The following SYT9 variants were observed in gnomAD, a reference collection of about 807,000 sequenced individuals.
SYT9 encodes synaptotagmin 9.
Under a neutral mutation model 48.4 loss-of-function variants are expected in SYT9, and 22 were observed. The ratio of observed to expected loss-of-function variants is 0.45; its 90% CI spans 0.32 to 0.65. SYT9 has a LOEUF of 0.65. Ranked by LOEUF, SYT9 falls within the 30% of genes least tolerant of loss-of-function variation. SYT9 has a pLI of 0.03. For synonymous variants in SYT9, 265 were observed against 245.0 expected (o/e 1.08, Z -0.76); for missense variants, 577 against 622.0 (o/e 0.93, Z 0.77).
chr11:7,430,593 C>T (rs1173730712), intron 6 of SYT9, among the ~76,000 whole-genome samples: 4 of 152,160 alleles, frequency 2.6e-5, no homozygotes, highest in African/African-American at 9.7e-5. Context: ...CTGCCCAAAC[C>T]TCATGTTGAA....
Position 7,313,410 on chromosome 11 carries a change from A to G in SYT9, c.513A>G (p.Arg171=). ...PTSSARHNSI[R]RQLNLSNPDF... ...TTCATTCAAGGCATAATTCAATCCGAAGACAACTCAACTTGTCAAACCCGG... is the reference window on the plus strand; with the variant it reads ...TTCATTCAAGGCATAATTCAATCCGGAGACAACTCAACTTGTCAAACCCGG... Residue 171 remains arginine, a synonymous_variant, in exon 3 of 7, where the codon CGA becomes CGG. Transcript: ENST00000318881. The G allele has an allele frequency of 6.2e-7, 1 of 1,611,518 alleles. No homozygotes were observed. Among genetic ancestry groups the G allele is most frequent in the Non-Finnish European group, 8.5e-7 (1 of 1,178,984 alleles).
intron 1 of SYT9, among the ~76,000 whole-genome samples, chr11:7,241,238 G>GCA (rs1333220508): frequency 0.01 from 1,171 of 116,428 alleles, 17 homozygotes; most frequent in African/African-American, 0.035. Flanking sequence ...ACACACACAC[G>GCA]CACACACTCA....
At chr11:7,394,265 T>A (rs1325463646) in intron 3 of SYT9, among the ~76,000 whole-genome samples, 2 of 152,204 alleles carry the variant, frequency 1.3e-5, no homozygotes, top group Admixed American at 6.5e-5. Context: ...TCCAGCTTCA[T>A]CCATGTCCCT....
chr11:7,386,691 CT>C (rs1850666914), intron 3 of SYT9, among the ~76,000 whole-genome samples: 1 of 152,140 alleles, frequency 6.6e-6, no homozygotes, highest in African/African-American at 2.4e-5. Flanking sequence ...CACTTTTACA[CT>C]GTTGGTGGGA....
intron 6 of SYT9, chr11:7,437,953 G>A (rs1847743828): frequency 6.6e-6 from 1 of 152,194 alleles, no homozygotes; most frequent in Non-Finnish European, 1.5e-5. Context: ...GTTCCCTGAG[G>A]TGCTTGACTC....
At chr11:7,389,470 C>T (rs1850721590) in intron 3 of SYT9, among the ~76,000 whole-genome samples, 4 of 152,078 alleles carry the variant, frequency 2.6e-5, no homozygotes, top group African/African-American at 9.7e-5. Context: ...CCCATTATCT[C>T]TTGAGAACTC....
At chr11:7,345,566 T>C (rs933545247) in intron 3 of SYT9, among the ~76,000 whole-genome samples, 4 of 152,124 alleles carry the variant, frequency 2.6e-5, no homozygotes, top group Admixed American at 2.0e-4. Context: ...TTTACTGAGA[T>C]GGGAAATATT....
chr11:7,289,188 C>T (rs959671696), intron 1 of SYT9, among the ~76,000 whole-genome samples: 12 of 152,202 alleles, frequency 7.9e-5, no homozygotes, highest in Non-Finnish European at 1.2e-4. Context: ...GCTGCCTGAG[C>T]GCTCTGGCTC....
chr11:7,272,017 A>G (rs755395892), intron 1 of SYT9, among the ~76,000 whole-genome samples: 26 of 152,328 alleles, frequency 1.7e-4, no homozygotes, highest in Non-Finnish European at 2.2e-4. Flanking sequence ...TTTGTTCTAC[A>G]TTTAAATACT....
intron 6 of SYT9, chr11:7,454,416 A>G: frequency 1.8e-6 from 1 of 542,516 alleles, no homozygotes; most frequent in Non-Finnish European, 2.4e-6. Flanking sequence ...TCCCTGCCCT[A>G]TCCCCACATC....
intron 1 of SYT9, among the ~76,000 whole-genome samples, chr11:7,256,171 G>A (rs1414189496): frequency 6.6e-6 from 1 of 152,148 alleles, no homozygotes; most frequent in Non-Finnish European, 1.5e-5. Context: ...TCTTAAACAT[G>A]TTTTTATCAT....
chr11:7,453,510 G>A (rs927054305), intron 6 of SYT9, among the ~76,000 whole-genome samples: 4 of 152,172 alleles, frequency 2.6e-5, no homozygotes, highest in African/African-American at 4.8e-5. Context: ...GGACCCCTGT[G>A]CCGTGGAGGT....
intron 6 of SYT9, chr11:7,439,444 C>A (rs767820344): frequency 2.0e-5 from 3 of 152,332 alleles, no homozygotes; most frequent in Non-Finnish European, 4.4e-5. Flanking sequence ...GCCAGGAACA[C>A]TGGAACTCAG....
At chr11:7,370,383 A>G (rs1200580608) in intron 3 of SYT9, among the ~76,000 whole-genome samples, 1 of 152,264 alleles carries the variant, frequency 6.6e-6, no homozygotes, top group South Asian at 2.1e-4. Context: ...GCCAGATACA[A>G]CAGAGTATGC....
chr11:7,294,712 C>G (rs949727694), intron 1 of SYT9, among the ~76,000 whole-genome samples: 6 of 152,208 alleles, frequency 3.9e-5, no homozygotes, highest in African/African-American at 1.2e-4. Context: ...GGCTGTGGCT[C>G]TGCCCCAGCT....
chr11:7,277,286 G>A (rs1848414582), intron 1 of SYT9, among the ~76,000 whole-genome samples: 1 of 152,080 alleles, frequency 6.6e-6, no homozygotes, highest in African/African-American at 2.4e-5. Flanking sequence ...TCTGGTCATT[G>A]TCATCAAGTT....
chr11:7,294,494 A>T (rs1848756000), intron 1 of SYT9, among the ~76,000 whole-genome samples: 1 of 152,226 alleles, frequency 6.6e-6, no homozygotes, highest in Non-Finnish European at 1.5e-5. Context: ...AAACCAAACA[A>T]GTTATGTGCT....
At chr11:7,453,221 G>A (rs539508537) in intron 6 of SYT9, among the ~76,000 whole-genome samples, 27 of 152,114 alleles carry the variant, frequency 1.8e-4, no homozygotes, top group South Asian at 4.1e-4. Flanking sequence ...TGAGACCTCC[G>A]TCTTTACAAA....
chr11:7,453,050 G>A (rs544163599), intron 6 of SYT9, among the ~76,000 whole-genome samples: 2 of 151,960 alleles, frequency 1.3e-5, no homozygotes, highest in East Asian at 4.0e-4. Context: ...CCAAAGTGCT[G>A]GGATTACAGG....
Sources: gnomAD v4.1 joint callset for allele counts (sites outside exome capture counted in the v4.1 genomes callset) on GRCh38, gnomAD v4.1.1 for gene constraint, MANE v1.5 for transcripts, NCBI Gene and HGNC (gene_info 2026-07-23, HGNC 2026-07-21) for gene names.